TMEM17: variants seen among roughly 807,000 people sequenced by gnomAD.
TMEM17 encodes transmembrane protein 17.
Under a neutral mutation model 19.1 loss-of-function variants are expected in TMEM17, and 15 were observed. The ratio of observed to expected loss-of-function variants is 0.78; its 90% CI spans 0.52 to 1.21. The LOEUF (loss-of-function observed/expected upper bound fraction) is 1.21. Ranked by LOEUF, TMEM17 falls within the 50% of genes most tolerant of loss-of-function variation. The probability of loss-of-function intolerance (pLI) is 0.00; values close to 1 mark genes in which losing one functional copy is unlikely to be tolerated. For missense variants in TMEM17, 245 were observed against 242.3 expected (o/e 1.01, Z -0.07); for synonymous variants, 103 against 86.9 (o/e 1.19, Z -1.03).
the TMEM17 span, among the ~76,000 whole-genome samples, chr2:62,461,091 C>T: frequency 6.6e-6 from 1 of 152,194 alleles, no homozygotes; most frequent in Non-Finnish European, 1.5e-5. Context: ...TGCCTTCCCA[C>T]AGAGGAACTG....
the TMEM17 span, among the ~76,000 whole-genome samples, chr2:62,473,642 T>C: frequency 1.2e-4 from 18 of 152,320 alleles, no homozygotes; most frequent in South Asian, 3.3e-3. Flanking sequence ...CTACACACTT[T>C]CCTACTGTTT....
At chr2:62,471,678 C>T in the TMEM17 span, among the ~76,000 whole-genome samples, 1 of 152,180 alleles carries the variant, frequency 6.6e-6, no homozygotes, top group African/African-American at 2.4e-5. Context: ...GGAGCTTGGT[C>T]TGAATCTTGA....
downstream of TMEM17, among the ~76,000 whole-genome samples, chr2:62,496,541 A>AG (rs1167041776): frequency 6.6e-6 from 1 of 152,234 alleles, no homozygotes; most frequent in African/African-American, 2.4e-5. Flanking sequence ...TCAGAAAAGC[A>AG]GGGTGCACAA....
rs936484190 is a variant in TMEM17 at position 62,500,536 on chromosome 2, C to T, written c.*673G>A. 1 of 152,102 alleles carries T rather than the reference C, an allele frequency of 6.6e-6. No individual in the cohort carries two copies. Among genetic ancestry groups the T allele is most frequent in the Non-Finnish European group, 1.5e-5 (1 of 68,088 alleles). 9.4% of individuals were successfully genotyped at this position (152,102 alleles called of 1,614,324 possible). On this transcript the variant is annotated 3_prime_UTR_variant, in exon 4 of 4. Transcript: ENST00000335390. ...TCTCGGCTCACTGCAAGCTCTGCCT[C>T]CTGGGTTCACACCATTCTCCTGCCT... is the stretch of plus-strand genomic sequence containing the variant.
At chr2:62,485,348 C>T in the TMEM17 span, among the ~76,000 whole-genome samples, 13,999 of 152,232 alleles carry the variant, frequency 0.092, 721 homozygotes, top group African/African-American at 0.13. Context: ...ACTTCTTTCT[C>T]CCGAAAACCT....
chr2:62,472,318 G>C, the TMEM17 span, among the ~76,000 whole-genome samples: 1 of 152,214 alleles, frequency 6.6e-6, no homozygotes, highest in Non-Finnish European at 1.5e-5. Flanking sequence ...AACCATAGCA[G>C]AGTCTTGGGG....
At chr2:62,480,384 G>T in the TMEM17 span, among the ~76,000 whole-genome samples, 1 of 151,918 alleles carries the variant, frequency 6.6e-6, no homozygotes, top group Non-Finnish European at 1.5e-5. Context: ...TCAGTCTGTC[G>T]TTTTCTTTGC....
At chr2:62,456,995 GC>G in the TMEM17 span, among the ~76,000 whole-genome samples, 1 of 152,214 alleles carries the variant, frequency 6.6e-6, no homozygotes, top group South Asian at 2.1e-4. Context: ...CCACGCGGGG[GC>G]CGGGTGCTGC....
At chr2:62,505,444 T>TG (rs1317173453) in intron 1 of TMEM17, among the ~76,000 whole-genome samples, 12 of 152,022 alleles carry the variant, frequency 7.9e-5, no homozygotes, top group African/African-American at 2.9e-4. Context: ...GAGTGGATGG[T>TG]GGTTTGAAAG....
At chr2:62,477,118 C>T in the TMEM17 span, among the ~76,000 whole-genome samples, 283 of 152,262 alleles carry the variant, frequency 1.9e-3, no homozygotes, top group African/African-American at 5.1e-3. Context: ...CTCTCACAGC[C>T]GGGAGCAGTG....
chr2:62,501,034 A>G lies in TMEM17; in HGVS notation c.*175T>C, dbSNP rs879052046. The G allele has an allele frequency of 2.5e-5, 15 of 603,720 alleles. No homozygotes were observed. In the South Asian group the frequency reaches 5.5e-4, roughly 22 times the overall value. 37.4% of individuals were successfully genotyped at this position (603,720 alleles called of 1,614,324 possible). On this transcript the variant is annotated 3_prime_UTR_variant, in exon 4 of 4. Coordinates refer to ENST00000335390, the MANE Select transcript of TMEM17 (RefSeq NM_198276.3). ...ACAACATCTAGGTTTTAGGGTTAATATACTGTTTCATATACTGTACAAAGT... is the reference window on the plus strand; with the variant it reads ...ACAACATCTAGGTTTTAGGGTTAATGTACTGTTTCATATACTGTACAAAGT...
chr2:62,479,259 T>A, the TMEM17 span, among the ~76,000 whole-genome samples: 1 of 152,202 alleles, frequency 6.6e-6, no homozygotes, highest in East Asian at 1.9e-4. Flanking sequence ...TTCCTTCCAC[T>A]TTTTACTTCT....
the TMEM17 span, among the ~76,000 whole-genome samples, chr2:62,483,209 T>C: frequency 6.6e-6 from 1 of 152,198 alleles, no homozygotes; most frequent in Non-Finnish European, 1.5e-5. Flanking sequence ...AGTCAACACA[T>C]CTGGGCTTAC....
In TMEM17 at chr2:62,501,181, T is replaced by C. The variant is rs923786081; in HGVS notation, c.*28A>G. On this transcript the variant is annotated 3_prime_UTR_variant, in exon 4 of 4. Transcript: ENST00000335390. ...AACTCTTACAGTCTCTAGAATGATC[T>C]GTCAGATTTTCACTCAACAACACTG... 6.2e-7 allele frequency: 1 copy of C among 1,601,726 alleles called. No homozygotes were observed. Among genetic ancestry groups the C allele is most frequent in the Non-Finnish European group, 8.5e-7 (1 of 1,172,420 alleles).
rs75662659 is a variant in TMEM17 at position 62,500,977 on chromosome 2, CA to C, written c.*231del. 0.13 allele frequency: 47,940 copies of C among 378,128 alleles called. 3,582 individuals are homozygous for C. Among genetic ancestry groups the C allele is most frequent in the East Asian group, 0.26 (6,196 of 23,974 alleles). The allele number at this position is 378,128 out of a possible 1,614,324, so 23.4% of individuals were successfully genotyped here. On this transcript the variant is annotated 3_prime_UTR_variant, in exon 4 of 4. Transcript: ENST00000335390. ...ACACTCCTGAAAAAGACAACAACAT[CA>C]AAAAAAATTAAGAAATTTGGCATCA...
chr2:62,478,056 A>G, the TMEM17 span, among the ~76,000 whole-genome samples: 9,607 of 152,248 alleles, frequency 0.063, 1,024 homozygotes, highest in African/African-American at 0.22. Flanking sequence ...TTACTGTTTC[A>G]AGGCAAAAAG....
the TMEM17 span, among the ~76,000 whole-genome samples, chr2:62,492,157 G>T: frequency 6.6e-6 from 1 of 152,122 alleles, no homozygotes; most frequent in East Asian, 1.9e-4. Context: ...TATCTTTGGA[G>T]CATGTGTTTA....
intron 1 of TMEM17, 26 bp downstream of exon 1, chr2:62,506,001 ACCC>A: frequency 6.3e-7 from 1 of 1,576,636 alleles, no homozygotes; most frequent in Non-Finnish European, 8.6e-7. Flanking sequence ...GGCAGGCCAC[ACCC>A]CCTGCACCGG....
At chr2:62,460,014 C>T in the TMEM17 span, among the ~76,000 whole-genome samples, 21 of 152,282 alleles carry the variant, frequency 1.4e-4, no homozygotes, top group South Asian at 1.7e-3. Flanking sequence ...GTAAGGTAAA[C>T]GTTTCATAAA....
Sources: allele counts gnomAD v4.1 joint callset (sites outside exome capture counted in the v4.1 genomes callset), GRCh38; gene constraint gnomAD v4.1.1; transcripts MANE v1.5; gene names NCBI Gene and HGNC (gene_info 2026-07-23, HGNC 2026-07-21).